RPL28: variants seen among roughly 807,000 people sequenced by gnomAD.
RPL28 encodes the protein large ribosomal subunit protein eL28.
A neutral mutation model predicts 12.5 loss-of-function variants in RPL28; 4 were observed. The observed-to-expected ratio is 0.32, with a 90% CI of 0.16 to 0.73. The LOEUF (loss-of-function observed/expected upper bound fraction) is 0.73, where lower values mean the gene tolerates loss of function less well. Ranked by LOEUF, RPL28 falls within the 30% of genes least tolerant of loss-of-function variation. The probability of loss-of-function intolerance (pLI) is 0.66; values close to 1 mark genes in which losing one functional copy is unlikely to be tolerated. For synonymous variants in RPL28, 91 were observed against 72.5 expected, an observed-to-expected ratio of 1.26 and a Z score of -1.30; for missense variants, 214 against 197.7, an observed-to-expected ratio of 1.08 and a Z score of -0.49.
chr19:55,400,226 TGTTGCCCAC>T (rs2090047005), intron 4 of RPL28: 1 of 152,260 alleles, frequency 6.6e-6, no homozygotes. Context: ...GATCTCACTG[TGTTGCCCAC>T]GTTCGTCTTT....
chr19:55,401,456 G>T, intron 4 of RPL28: 1 of 1,605,656 alleles, frequency 6.2e-7, no homozygotes, highest in Non-Finnish European at 8.5e-7. Context: ...CGCAGCGCCC[G>T]CTTCTTGTCC....
chr19:55,391,079 G>A lies in RPL28; in HGVS notation c.*2747G>A, dbSNP rs2089985933. On this transcript the variant is annotated 3_prime_UTR_variant, in exon 5 of 5. Transcript: ENST00000344063. ...GAAAAGCGTCTTGTCACATACAGAA[G>A]GTCCCTGATAAAGTTAGTAGCTGCC... 9 of 531,746 alleles carry A rather than the reference G, an allele frequency of 1.7e-5. No individual in the cohort carries two copies. The highest frequency in any genetic ancestry group is 6.4e-5 in the Admixed American group (1 of 15,748). 32.9% of individuals were successfully genotyped at this position (531,746 alleles called of 1,614,324 possible).
chr19:55,402,425 C>G (rs2090066670), intron 4 of RPL28, among the ~76,000 whole-genome samples: 2 of 152,198 alleles, frequency 1.3e-5, no homozygotes, highest in Non-Finnish European at 2.9e-5. Context: ...TCCTCTCAAC[C>G]CCCTTCACAG....
chr19:55,396,051 G>A (rs376975536), downstream of RPL28, among the ~76,000 whole-genome samples: 1 of 151,922 alleles, frequency 6.6e-6, no homozygotes, highest in Admixed American at 6.6e-5. Context: ...GCTGAGATGC[G>A]AGGATCCCTT....
At chr19:55,395,736 C>T (rs2090018866), downstream of RPL28, among the ~76,000 whole-genome samples, 1 of 152,116 alleles carries the variant, frequency 6.6e-6, no homozygotes, top group South Asian at 2.1e-4. Context: ...AGCCACCGCG[C>T]CCAGCCTCTT....
downstream of RPL28, chr19:55,392,108 G>A (rs2089995596): frequency 1.0e-6 from 1 of 993,178 alleles, no homozygotes; most frequent in South Asian, 4.6e-5. Context: ...AAATATGCAT[G>A]TGGTCTTGAA....
At position 55,391,687 on chromosome 19, in the gene RPL28, T is replaced by C; in HGVS notation, c.*3355T>C. 1 of 1,538,996 alleles carries C rather than the reference T, an allele frequency of 6.5e-7. No homozygotes were observed. The highest frequency in any genetic ancestry group is 8.8e-7 in the Non-Finnish European group (1 of 1,136,142). ...GTCGATAGACCCTACTACTCAGGGT[T>C]GATGAGAAGATTAAATGTGCAAAAC... On this transcript the variant is annotated 3_prime_UTR_variant, in exon 5 of 5. Transcript: ENST00000344063.
At position 55,390,546 on chromosome 19, in the gene RPL28, G is replaced by T; in HGVS notation, c.*2214G>T. The stretch of plus-strand genomic sequence containing the variant: ...AGGCCTTGTCCTTAACCACCTCCTT[G>T]CCTGCCCTGGAGGCTTGTGCCTCTA... On this transcript the variant is annotated 3_prime_UTR_variant, in exon 5 of 5. Coordinates refer to ENST00000344063, the MANE Select transcript of RPL28 (RefSeq NM_000991.5). The T allele has an allele frequency of 2.0e-6, 2 of 985,530 alleles. No individual in the cohort carries two copies. The highest frequency in any genetic ancestry group is 4.7e-5 in the South Asian group (1 of 21,300). The allele number at this position is 985,530 out of a possible 1,614,324, so 61.0% of individuals were successfully genotyped here.
chr19:55,399,401 A>G (rs1185976079), intron 4 of RPL28, among the ~76,000 whole-genome samples: 1 of 152,168 alleles, frequency 6.6e-6, no homozygotes, highest in Non-Finnish European at 1.5e-5. Flanking sequence ...TCCTGACCTC[A>G]GGTGACCTGC....
chr19:55,402,089 G>A lies in RPL28; in HGVS notation c.325-854G>A, dbSNP rs536123564. ...TCTCAGGAGTCCATTACTTGCCTGA[G>A]CCCCAGACTTGAGTCCTATTATGGT... On this transcript the variant is annotated intron_variant, in intron 4 of 4. Coordinates refer to the RPL28 transcript ENST00000560055. Among the ~76,000 whole-genome samples the A allele has an allele frequency of 2.2e-4, 34 of 152,308 alleles. No individual in the cohort carries two copies. In the South Asian group the frequency reaches 4.8e-3, roughly 21 times the overall value.
chr19:55,396,153 T>A (rs1409872110), downstream of RPL28, among the ~76,000 whole-genome samples: 1 of 151,080 alleles, frequency 6.6e-6, no homozygotes, highest in Non-Finnish European at 1.5e-5. Flanking sequence ...CACCCGTAGT[T>A]CCAGTTCCTT....
At chr19:55,400,879 G>A (rs1465045461) in intron 4 of RPL28, 1 of 154,556 alleles carries the variant, frequency 6.5e-6, no homozygotes, top group African/African-American at 2.4e-5. Flanking sequence ...GATTCAAGGG[G>A]ACCGAACCTT....
chr19:55,386,844 G>C (rs1435640368), intron 3 of RPL28, 151 bp downstream of exon 3: 7 of 1,565,108 alleles, frequency 4.5e-6, no homozygotes, highest in Middle Eastern at 1.7e-4. Context: ...CTTCCCTCTC[G>C]GCCGACTTGT....
At chr19:55,395,666 A>C (rs1200383117), downstream of RPL28, among the ~76,000 whole-genome samples, 1 of 145,496 alleles carries the variant, frequency 6.9e-6, no homozygotes, top group African/African-American at 2.6e-5. Context: ...GATGGTCTCA[A>C]TCTCCTGACC....
In RPL28 at chr19:55,403,111, A is replaced by AGTGG; in HGVS notation, c.494_497dup (p.Thr167TrpfsTer?). ...CCTTGGCCTCCACCCACTAGATGCT[A>AGTGG]GTGGCACCCCCGAGTTGTGACAACC... On this transcript the variant is annotated frameshift_variant, in exon 5 of 5. Transcript: ENST00000560055. LOFTEE classifies it high-confidence loss of function. The AGTGG allele has an allele frequency of 1.1e-6, 1 of 898,560 alleles. No individual in the cohort carries two copies. The highest frequency in any genetic ancestry group is 1.8e-6 in the Non-Finnish European group (1 of 563,928). 55.7% of individuals were successfully genotyped at this position (898,560 alleles called of 1,614,324 possible).
Position 55,388,443 on chromosome 19 carries a change from CCATGTCATCAAAACTCTG to C in RPL28, c.*119_*136del, listed in dbSNP as rs1238498907. The C allele has an allele frequency of 1.3e-5, 18 of 1,361,646 alleles. No individual in the cohort carries two copies. The African/African-American group carries it at 2.7e-4, about 20-fold the overall frequency. The allele number at this position is 1,361,646 out of a possible 1,614,324, so 84.3% of individuals were successfully genotyped here. On this transcript the variant is annotated 3_prime_UTR_variant, in exon 5 of 5. Transcript: ENST00000344063. Reference sequence around the variant, plus strand: ...CTGGCCCTGTGTGTTGTCATTCAGGCCATGTCATCAAAACTCTGCATGTCACCTTGTCCATCTGGAGGT... The same window carrying C: ...CTGGCCCTGTGTGTTGTCATTCAGGCCATGTCACCTTGTCCATCTGGAGGT...
Position 55,389,591 on chromosome 19 carries a change from A to G in RPL28, c.*1259A>G, listed in dbSNP as rs923825675. On this transcript the variant is annotated 3_prime_UTR_variant, in exon 5 of 5. Coordinates refer to ENST00000344063, the MANE Select transcript of RPL28 (RefSeq NM_000991.5). ...TCGACTTGCCATTGGTTGGGGTCGT[A>G]CGGGGCTGGGAGCCCTGCGTTTTGA... The G allele has an allele frequency of 1.0e-6, 1 of 985,394 alleles. No homozygotes were observed. Among genetic ancestry groups the G allele is most frequent in the African/African-American group, 1.7e-5 (1 of 57,236 alleles). 61.0% of individuals were successfully genotyped at this position (985,394 alleles called of 1,614,324 possible). A position where few individuals can be genotyped will look rare whatever the true frequency, so the allele number is the denominator to read the frequency against.
At chr19:55,386,889 C>T (rs2089935603) in intron 3 of RPL28, 196 bp downstream of exon 3, 1 of 1,533,652 alleles carries the variant, frequency 6.5e-7, no homozygotes. Flanking sequence ...GAGCCCGTGT[C>T]CTCACCTGTA....
chr19:55,392,407 A>G (rs1259215470), downstream of RPL28, among the ~76,000 whole-genome samples: 1 of 151,910 alleles, frequency 6.6e-6, no homozygotes, highest in Non-Finnish European at 1.5e-5. Flanking sequence ...ATTTAAAAAG[A>G]TATTTTGTAG....
Sources: gnomAD v4.1 joint callset for allele counts (sites outside exome capture counted in the v4.1 genomes callset) on GRCh38, gnomAD v4.1.1 for gene constraint, MANE v1.5 for transcripts, NCBI Gene and HGNC (gene_info 2026-07-23, HGNC 2026-07-21) for gene names.